AGBL4: variants seen among roughly 807,000 people sequenced by gnomAD.
AGBL4 encodes cytosolic carboxypeptidase 6.
In AGBL4, 58 loss-of-function variants were observed where a neutral mutation model predicts 66.4. The observed-to-expected ratio is 0.87, with a 90% CI of 0.71 to 1.09. The LOEUF is 1.09. AGBL4 is among the 50% of genes least tolerant of loss of function. The probability of loss-of-function intolerance (pLI) is 0.00; values close to 1 mark genes in which losing one functional copy is unlikely to be tolerated. For missense variants in AGBL4, 579 were observed against 631.0 expected, an observed-to-expected ratio of 0.92 and a Z score of 0.88; for synonymous variants, 234 against 222.9, an observed-to-expected ratio of 1.05 and a Z score of -0.44.
intron 6 of AGBL4, among the ~76,000 whole-genome samples, chr1:48,785,603 A>T (rs986161960): frequency 6.6e-6 from 1 of 152,220 alleles, no homozygotes; most frequent in Non-Finnish European, 1.5e-5. Flanking sequence ...GGAAATAAAT[A>T]GAAAAATGAT....
At chr1:49,467,438 C>T (rs1286056200) in intron 3 of AGBL4, among the ~76,000 whole-genome samples, 1 of 151,722 alleles carries the variant, frequency 6.6e-6, no homozygotes, top group Non-Finnish European at 1.5e-5. Context: ...TTGGGTAAGT[C>T]CCTTTCTCTT....
intron 4 of AGBL4, among the ~76,000 whole-genome samples, chr1:49,148,847 C>A (rs927223899): frequency 2.6e-5 from 4 of 152,160 alleles, no homozygotes; most frequent in African/African-American, 9.7e-5. Context: ...ATGGGCTTGT[C>A]CCATGTCCCA....
chr1:49,135,349 A>C (rs1645989503), intron 4 of AGBL4, among the ~76,000 whole-genome samples: 1 of 152,146 alleles, frequency 6.6e-6, no homozygotes, highest in Non-Finnish European at 1.5e-5. Context: ...ATATGTGCAA[A>C]CATGCATATA....
intron 4 of AGBL4, among the ~76,000 whole-genome samples, chr1:49,130,689 C>T (rs1434161006): frequency 6.6e-6 from 1 of 151,952 alleles, no homozygotes; most frequent in Non-Finnish European, 1.5e-5. Flanking sequence ...GTTTTGGTAC[C>T]AGTACCATGC....
rs1201946674 is a variant in AGBL4 at position 48,534,004 on chromosome 1, T to A, written c.*169A>T. On this transcript the variant is annotated 3_prime_UTR_variant, in exon 14 of 14. Transcript: ENST00000371839. ...CTGAAGGCTTACAATTGATTTTCCATTGGAAAAAGGGAAAATCAGTGATGA... is the reference window on the plus strand; with the variant it reads ...CTGAAGGCTTACAATTGATTTTCCAATGGAAAAAGGGAAAATCAGTGATGA... The A allele has an allele frequency of 8.6e-7, 1 of 1,158,550 alleles. No individual in the cohort carries two copies. Among genetic ancestry groups the A allele is most frequent in the African/African-American group, 1.5e-5 (1 of 64,600 alleles). 71.8% of individuals were successfully genotyped at this position (1,158,550 alleles called of 1,614,324 possible). A position where few individuals can be genotyped will look rare whatever the true frequency, so the allele number is the denominator to read the frequency against.
At chr1:49,659,158 A>C (rs898169447) in intron 3 of AGBL4, among the ~76,000 whole-genome samples, 12 of 152,184 alleles carry the variant, frequency 7.9e-5, no homozygotes, top group Admixed American at 7.2e-4. Flanking sequence ...GAGCTCCTGA[A>C]GGAAGCATTA....
intron 1 of AGBL4, among the ~76,000 whole-genome samples, chr1:49,950,376 A>G (rs1347600373): frequency 6.6e-6 from 1 of 151,170 alleles, no homozygotes; most frequent in Non-Finnish European, 1.5e-5. Context: ...ATAAATAAGA[A>G]TGACACAATG....
chr1:49,253,753 C>T (rs541093380), intron 3 of AGBL4, among the ~76,000 whole-genome samples: 16 of 151,354 alleles, frequency 1.1e-4, no homozygotes, highest in South Asian at 2.1e-4. Flanking sequence ...TGAACACTGA[C>T]GCAAAAATCC....
intron 1 of AGBL4, among the ~76,000 whole-genome samples, chr1:49,948,456 TATAG>T (rs1262322825): frequency 1.8e-5 from 1 of 54,200 alleles, no homozygotes; most frequent in East Asian, 3.3e-3. Context: ...AATATATAAA[TATAG>T]ATAAATATAT....
At chr1:49,384,398 C>T (rs1644691664) in intron 3 of AGBL4, among the ~76,000 whole-genome samples, 1 of 151,472 alleles carries the variant, frequency 6.6e-6, no homozygotes, top group Non-Finnish European at 1.5e-5. Flanking sequence ...TCGAGACCAC[C>T]CTGACCAATA....
intron 4 of AGBL4, among the ~76,000 whole-genome samples, chr1:49,174,418 A>G (rs1646794316): frequency 1.3e-5 from 2 of 152,118 alleles, no homozygotes; most frequent in South Asian, 2.1e-4. Context: ...GATTGCTTCT[A>G]TTTCTCCCAT....
chr1:48,702,585 C>T (rs1025632902), intron 6 of AGBL4, among the ~76,000 whole-genome samples: 5 of 152,098 alleles, frequency 3.3e-5, no homozygotes, highest in Non-Finnish European at 5.9e-5. Flanking sequence ...CATGAGCCAC[C>T]GTGCCTGGCC....
At chr1:49,498,044 T>C (rs1647772615) in intron 3 of AGBL4, among the ~76,000 whole-genome samples, 1 of 152,054 alleles carries the variant, frequency 6.6e-6, no homozygotes, top group Admixed American at 6.6e-5. Flanking sequence ...TCAATTTCTT[T>C]TGTCAGTGTT....
intron 4 of AGBL4, among the ~76,000 whole-genome samples, chr1:49,158,199 A>G (rs1646471429): frequency 6.6e-6 from 1 of 152,166 alleles, no homozygotes; most frequent in African/African-American, 2.4e-5. Flanking sequence ...TAAAGACTTA[A>G]ATGTAAGACC....
chr1:49,395,805 ATATATG>A (rs1274916040), intron 3 of AGBL4, among the ~76,000 whole-genome samples: 2 of 131,018 alleles, frequency 1.5e-5, no homozygotes, highest in Non-Finnish European at 3.2e-5. Flanking sequence ...ATATACATAT[ATATATG>A]TATACATATA....
intron 9 of AGBL4, among the ~76,000 whole-genome samples, chr1:48,593,693 G>A (rs1460580691): frequency 6.6e-6 from 1 of 152,178 alleles, no homozygotes; most frequent in East Asian, 1.9e-4. Context: ...GGAGGGTGCA[G>A]TGAGCCGAGA....
intron 4 of AGBL4, among the ~76,000 whole-genome samples, chr1:49,146,727 C>G (rs1411786866): frequency 1.3e-5 from 2 of 152,218 alleles, no homozygotes; most frequent in Admixed American, 6.5e-5. Context: ...CCCCAGACAC[C>G]CTCCAAGGAG....
At chr1:48,903,296 C>T (rs1652268729) in intron 5 of AGBL4, among the ~76,000 whole-genome samples, 1 of 152,150 alleles carries the variant, frequency 6.6e-6, no homozygotes, top group Admixed American at 6.5e-5. Flanking sequence ...GAGTCCTATC[C>T]AGATTAAGTG....
intron 6 of AGBL4, among the ~76,000 whole-genome samples, chr1:48,801,581 C>A (rs1297653938): frequency 6.6e-6 from 1 of 152,148 alleles, no homozygotes. Flanking sequence ...CTGCCTAAAT[C>A]CATTTCAGCT....
Sources: gnomAD v4.1 joint callset for allele counts (sites outside exome capture counted in the v4.1 genomes callset) on GRCh38, gnomAD v4.1.1 for gene constraint, MANE v1.5 for transcripts, NCBI Gene and HGNC (gene_info 2026-07-23, HGNC 2026-07-21) for gene names.